Variants in RASD2 observed in about 807,000 individuals in gnomAD.
RASD2 encodes the protein RASD family member 2, also known as GTP-binding protein Rhes.
Under a neutral mutation model 15.8 loss-of-function variants are expected in RASD2, and 7 were observed. The observed-to-expected ratio is 0.44, with a 90% CI of 0.25 to 0.83. The LOEUF is 0.83. RASD2 is among the 40% of genes least tolerant of loss of function. The pLI, the probability that RASD2 is intolerant of heterozygous loss-of-function variation, is 0.20. For synonymous variants in RASD2, 155 were observed against 153.6 expected (o/e 1.01, Z -0.07); for missense variants, 274 against 382.8 (o/e 0.72, Z 2.37).
the RASD2 span, among the ~76,000 whole-genome samples, chr22:35,533,299 G>A: frequency 6.6e-6 from 1 of 152,252 alleles, no homozygotes; most frequent in Non-Finnish European, 1.5e-5. Context: ...ATAGAGGATG[G>A]AGGAGACACC....
rs1247757296 is a variant in RASD2 at position 35,553,882 on chromosome 22, C to G, written c.*1850C>G. The G allele has an allele frequency of 6.5e-6, 1 of 152,934 alleles. No individual in the cohort carries two copies. Among genetic ancestry groups the G allele is most frequent in the Non-Finnish European group, 1.5e-5 (1 of 68,198 alleles). 9.5% of individuals were successfully genotyped at this position (152,934 alleles called of 1,614,324 possible). ...TCCCCTTCCCCACCCACTGCCTGAG[C>G]CTTCTGAGCAGACCAGGTACCTTGG... On this transcript the variant is annotated 3_prime_UTR_variant, in exon 3 of 3. Transcript: ENST00000216127.
chr22:35,538,823 A>G (rs774307945), upstream of RASD2, among the ~76,000 whole-genome samples: 3 of 152,150 alleles, frequency 2.0e-5, no homozygotes, highest in Admixed American at 6.6e-5. Flanking sequence ...GAAGCGTGCC[A>G]CCCTGCTCAC....
chr22:35,542,681 G>A (rs1934383692), intron 1 of RASD2, among the ~76,000 whole-genome samples: 1 of 152,212 alleles, frequency 6.6e-6, no homozygotes, highest in African/African-American at 2.4e-5. Flanking sequence ...GTGGAGGAGG[G>A]GCAGTGCAGT....
the RASD2 span, among the ~76,000 whole-genome samples, chr22:35,534,111 C>T: frequency 6.6e-6 from 1 of 152,208 alleles, no homozygotes; most frequent in African/African-American, 2.4e-5. Context: ...GTTGTTCAAA[C>T]ACCCAGATAT....
At chr22:35,538,475 G>A (rs1308635854), upstream of RASD2, among the ~76,000 whole-genome samples, 1 of 152,172 alleles carries the variant, frequency 6.6e-6, no homozygotes, top group Non-Finnish European at 1.5e-5. Context: ...GGGGAAAATA[G>A]GCACATGTGA....
intron 1 of RASD2, among the ~76,000 whole-genome samples, chr22:35,543,147 C>A (rs1432173070): frequency 6.6e-6 from 1 of 152,200 alleles, no homozygotes. Flanking sequence ...GTGTCCCCAT[C>A]AGTCAAGTGG....
At chr22:35,538,791 T>C (rs1333005211), upstream of RASD2, among the ~76,000 whole-genome samples, 1 of 152,220 alleles carries the variant, frequency 6.6e-6, no homozygotes, top group Non-Finnish European at 1.5e-5. Flanking sequence ...ACCTGAGTCT[T>C]CCTGACCCCA....
intron 1 of RASD2, among the ~76,000 whole-genome samples, chr22:35,545,450 G>A (rs774326293): frequency 3.7e-4 from 57 of 152,266 alleles, no homozygotes; most frequent in Non-Finnish European, 7.2e-4. Flanking sequence ...ATGCCCTTTC[G>A]TCTGGGATAC....
chr22:35,536,663 T>C (rs1934251953), upstream of RASD2, among the ~76,000 whole-genome samples: 2 of 152,274 alleles, frequency 1.3e-5, no homozygotes, highest in South Asian at 4.1e-4. Flanking sequence ...CTGGGCCACA[T>C]GACCTCTATG....
In RASD2 at chr22:35,553,759, A is replaced by T. The variant is rs1934741151; in HGVS notation, c.*1727A>T. On this transcript the variant is annotated 3_prime_UTR_variant, in exon 3 of 3. Coordinates refer to ENST00000216127, the MANE Select transcript of RASD2 (RefSeq NM_014310.4). ...CACACAGATGTACACACAGATGTAC[A>T]CATGCTCCAGCCCCAGCTCTGCATA... 1 of 152,590 alleles carries T rather than the reference A, an allele frequency of 6.6e-6. No homozygotes were observed. Among genetic ancestry groups the T allele is most frequent in the Non-Finnish European group, 1.5e-5 (1 of 68,162 alleles). The allele number at this position is 152,590 out of a possible 1,614,324, so 9.5% of individuals were successfully genotyped here.
the RASD2 span, among the ~76,000 whole-genome samples, chr22:35,535,508 A>G: frequency 6.6e-6 from 1 of 152,226 alleles, no homozygotes; most frequent in South Asian, 2.1e-4. Flanking sequence ...TATGAGTAGC[A>G]AGAGTTCAGA....
upstream of RASD2, among the ~76,000 whole-genome samples, chr22:35,537,904 G>C (rs1934265779): frequency 6.6e-6 from 1 of 151,946 alleles, no homozygotes; most frequent in Non-Finnish European, 1.5e-5. Flanking sequence ...CTGGTTGGAG[G>C]CCTTGTTCGC....
At chr22:35,546,703 C>T in intron 1 of RASD2, 98 bp from the exon 2 acceptor site, 1 of 1,450,470 alleles carries the variant, frequency 6.9e-7, no homozygotes, top group Non-Finnish European at 9.1e-7. Flanking sequence ...ATTTTACAGA[C>T]AGAAAACTGA....
At chr22:35,542,133 T>C (rs1268374764) in intron 1 of RASD2, among the ~76,000 whole-genome samples, 1 of 152,138 alleles carries the variant, frequency 6.6e-6, no homozygotes, top group Non-Finnish European at 1.5e-5. Flanking sequence ...CAGGGGATGT[T>C]GTCCAAGACC....
chr22:35,532,830 C>T, the RASD2 span, among the ~76,000 whole-genome samples: 9 of 152,148 alleles, frequency 5.9e-5, no homozygotes, highest in Admixed American at 1.3e-4. Context: ...CCAGGTTCTT[C>T]GGTGCCCTCC....
chr22:35,546,559 G>A (rs1319146279), intron 1 of RASD2, among the ~76,000 whole-genome samples: 1 of 152,180 alleles, frequency 6.6e-6, no homozygotes, highest in East Asian at 1.9e-4. Flanking sequence ...CAGGAGTCCG[G>A]TGCTTGCATA....
In RASD2 at chr22:35,551,774, G is replaced by A. The variant is rs750778161; in HGVS notation, c.543G>A (p.Glu181=). The part of the protein sequence containing the change: ...VSAKKNTNVD[E]MFYVLFSMAK... ...CCAAGAAGAACACCAACGTGGACGA[G>A]ATGTTCTACGTGCTCTTCAGCATGG... The change falls in exon 3 of 3, where the codon GAG becomes GAA. Residue 181 remains glutamate, a synonymous_variant. Coordinates refer to ENST00000216127, the MANE Select transcript of RASD2 (RefSeq NM_014310.4). The surrounding 1 kb of genome is among the most constrained non-coding windows in gnomAD (Gnocchi z 4.9). The A allele has an allele frequency of 6.2e-7, 1 of 1,614,072 alleles. No individual in the cohort carries two copies. Among genetic ancestry groups the A allele is most frequent in the Non-Finnish European group, 8.5e-7 (1 of 1,180,006 alleles).
chr22:35,538,015 G>A (rs564295710), upstream of RASD2, among the ~76,000 whole-genome samples: 60 of 151,528 alleles, frequency 4.0e-4, no homozygotes, highest in African/African-American at 1.2e-3. Flanking sequence ...ACACGATCTC[G>A]GCTCACTGCA....
At chr22:35,542,411 G>T (rs1392842162) in intron 1 of RASD2, among the ~76,000 whole-genome samples, 1 of 152,238 alleles carries the variant, frequency 6.6e-6, no homozygotes, top group African/African-American at 2.4e-5. Flanking sequence ...CACACAGGGG[G>T]TTTATGTCTT....
Sources: allele counts gnomAD v4.1 joint callset (sites outside exome capture counted in the v4.1 genomes callset), GRCh38; gene constraint gnomAD v4.1.1; non-coding constraint Gnocchi (gnomAD v3.1); transcripts MANE v1.5; gene names NCBI Gene and HGNC (gene_info 2026-07-23, HGNC 2026-07-21).